The following SLC5A11 variants were observed in gnomAD, a reference collection of about 807,000 sequenced individuals.
The protein encoded by SLC5A11 is solute carrier family 5 member 11.
SLC5A11 carries 48 observed loss-of-function variants against 69.8 expected under a neutral mutation model. That is an observed-to-expected ratio of 0.69 (90% CI 0.55 to 0.87). SLC5A11 has a LOEUF of 0.87. Among genes scored for constraint, SLC5A11 ranks in the 40% least tolerant of loss-of-function variants. SLC5A11 has a pLI of 0.00. For missense variants in SLC5A11, 784 were observed against 866.1 expected (o/e 0.91, Z 1.19); for synonymous variants, 319 against 342.4 (o/e 0.93, Z 0.75).
chr16:24,872,106 T>G, intron 4 of SLC5A11, 54 bp from the exon 6 acceptor site: 2 of 1,610,788 alleles, frequency 1.2e-6, no homozygotes, highest in Non-Finnish European at 8.5e-7. Context: ...GAAATCCAAA[T>G]GGGTACCTTG....
chr16:24,848,310 G>A (rs1026352194), intron 1 of SLC5A11, among the ~76,000 whole-genome samples: 8 of 152,024 alleles, frequency 5.3e-5, no homozygotes, highest in African/African-American at 1.9e-4. Flanking sequence ...TGTGAGGGGC[G>A]GATTAAAAGG....
chr16:24,871,192 T>C (rs905356330), intron 4 of SLC5A11, among the ~76,000 whole-genome samples: 1 of 152,226 alleles, frequency 6.6e-6, no homozygotes, highest in African/African-American at 2.4e-5. Context: ...ACATTCTTGC[T>C]CCAACACGTA....
chr16:24,901,981 C>T (rs568504640), intron 10 of SLC5A11, among the ~76,000 whole-genome samples: 11 of 148,954 alleles, frequency 7.4e-5, no homozygotes, highest in Non-Finnish European at 1.5e-4. Context: ...CACACACACA[C>T]ATATATAGTA....
rs191320115 is a variant in SLC5A11, at chr16:24,879,773, A to G, written c.583+2410A>G. ...GAAAAAGAAAATAAACAAATAAGTGAGTGGTTTTCTGTTCCTGCATTAATT... is the reference window on the plus strand; with the variant it reads ...GAAAAAGAAAATAAACAAATAAGTGGGTGGTTTTCTGTTCCTGCATTAATT... On this transcript the variant is annotated intron_variant, in intron 7 of 15. Transcript: ENST00000347898. Among the ~76,000 whole-genome samples, 18 of 152,218 alleles carry G rather than the reference A, an allele frequency of 1.2e-4. No individual in the cohort carries two copies. In the East Asian group the frequency reaches 3.5e-3, roughly 29 times the overall value.
chr16:24,852,081 A>G (rs899782159), intron 1 of SLC5A11, among the ~76,000 whole-genome samples: 1 of 149,040 alleles, frequency 6.7e-6, no homozygotes, highest in Non-Finnish European at 1.5e-5. Context: ...ACTCTGGCAA[A>G]ATAGTACTAT....
chr16:24,898,084 G>T, exon 10 of SLC5A11: 1 of 1,614,144 alleles, frequency 6.2e-7, no homozygotes, highest in South Asian at 1.1e-5. Flanking sequence ...TGTTCCCTGG[G>T]ATGGTCAGCC....
At chr16:24,855,257 G>T (rs563390995) in intron 1 of SLC5A11, among the ~76,000 whole-genome samples, 1 of 152,180 alleles carries the variant, frequency 6.6e-6, no homozygotes, top group Admixed American at 6.5e-5. Flanking sequence ...CATTTGAGAG[G>T]GTTAGGGTTA....
At chr16:24,909,917 G>T (rs2050385886) in intron 14 of SLC5A11, among the ~76,000 whole-genome samples, 3 of 151,736 alleles carry the variant, frequency 2.0e-5, no homozygotes, top group African/African-American at 7.3e-5. Context: ...TCCATTGATG[G>T]AGTCAGCTCA....
In SLC5A11 at chr16:24,858,875, A is replaced by G; in HGVS notation, c.135+97A>G. On this transcript the variant is annotated intron_variant, in intron 2 of 15. Transcript: ENST00000347898. ...TCATCCTTTTGGAGCTAAGATACTG[A>G]CTGTGAGAGGAAGAAACTAACACAA... The G allele has an allele frequency of 1.4e-6, 2 of 1,417,814 alleles. 1 individual carries two copies. The highest frequency in any genetic ancestry group is 3.2e-5 in the South Asian group (2 of 62,720). The allele number at this position is 1,417,814 out of a possible 1,614,324, so 87.8% of individuals were successfully genotyped here.
At chr16:24,847,603 G>A (rs1021858948) in intron 1 of SLC5A11, among the ~76,000 whole-genome samples, 16 of 151,998 alleles carry the variant, frequency 1.1e-4, no homozygotes, top group South Asian at 2.1e-4. Flanking sequence ...CGATTCTCCC[G>A]CCTCAGCCTT....
rs538887228 is a variant in SLC5A11 at position 24,855,160 on chromosome 16, G to A, written c.-24-3460G>A. Among the ~76,000 whole-genome samples the A allele has an allele frequency of 9.3e-4, 141 of 152,080 alleles. 1 individual carries two copies. Among genetic ancestry groups the A allele is most frequent in the South Asian group, 7.7e-3 (37 of 4,822 alleles). ...ATTATTTCTCTAATCTACTCCCTCT[G>A]CTATGATCTGATTGTGCATGTCCCT... On this transcript the variant is annotated intron_variant, in intron 1 of 15. Transcript: ENST00000347898.
intron 1 of SLC5A11, among the ~76,000 whole-genome samples, chr16:24,853,601 C>A (rs983146500): frequency 6.6e-6 from 1 of 151,970 alleles, no homozygotes; most frequent in Non-Finnish European, 1.5e-5. Context: ...GAGAGAAGGG[C>A]GGGAGGAAAG....
chr16:24,877,336 G>T, exon 7 of SLC5A11: 4 of 1,613,990 alleles, frequency 2.5e-6, no homozygotes, highest in Non-Finnish European at 3.4e-6. Flanking sequence ...TGGGCTACTG[G>T]CCATCACTGC....
chr16:24,908,677 T>C (rs1306008300), intron 13 of SLC5A11, among the ~76,000 whole-genome samples: 4 of 150,734 alleles, frequency 2.7e-5, no homozygotes, highest in Admixed American at 2.0e-4. Context: ...ACAGGGAAGC[T>C]AAATTAAGAG....
chr16:24,854,430 G>GTT (rs11289560), intron 1 of SLC5A11, among the ~76,000 whole-genome samples: 1 of 147,706 alleles, frequency 6.8e-6, no homozygotes, highest in Non-Finnish European at 1.5e-5. Flanking sequence ...GTAAAGTAAA[G>GTT]TTTTTTTTTT....
chr16:24,872,287 C>G, intron 5 of SLC5A11, 68 bp downstream of exon 6: 2 of 1,556,268 alleles, frequency 1.3e-6, no homozygotes, highest in African/African-American at 1.4e-5. Context: ...CCTGCAGTCC[C>G]TCCCTCATCC....
chr16:24,854,813 C>A (rs2059456775), intron 1 of SLC5A11, among the ~76,000 whole-genome samples: 1 of 152,102 alleles, frequency 6.6e-6, no homozygotes, highest in South Asian at 2.1e-4. Flanking sequence ...GTCCCCTCAC[C>A]CCCTCCCCTC....
At chr16:24,907,199 G>A (rs2050135806) in intron 12 of SLC5A11, 24 bp downstream of exon 13, 5 of 1,612,482 alleles carry the variant, frequency 3.1e-6, no homozygotes, top group Non-Finnish European at 3.4e-6. Flanking sequence ...GGGTGGGGCT[G>A]GGGCAGGGGG....
chr16:24,909,976 C>T (rs935938851), intron 14 of SLC5A11, among the ~76,000 whole-genome samples: 5 of 151,914 alleles, frequency 3.3e-5, no homozygotes, highest in East Asian at 1.9e-4. Context: ...GCCAGAGAAA[C>T]GGATGAGCTG....
Sources: gnomAD v4.1 joint callset for allele counts (sites outside exome capture counted in the v4.1 genomes callset) on GRCh38, gnomAD v4.1.1 for gene constraint, MANE v1.5 for transcripts, NCBI Gene and HGNC (gene_info 2026-07-23, HGNC 2026-07-21) for gene names.